The following BCKDHB variants were observed in gnomAD, a reference collection of about 807,000 sequenced individuals.
The protein encoded by BCKDHB is branched chain keto acid dehydrogenase E1 subunit beta.
Under a neutral mutation model 48.5 loss-of-function variants are expected in BCKDHB, and 41 were observed. The observed-to-expected ratio is 0.85, with a 90% CI of 0.66 to 1.10. The LOEUF (loss-of-function observed/expected upper bound fraction) is 1.10. Among genes scored for constraint, BCKDHB ranks in the 50% least tolerant of loss-of-function variants. BCKDHB has a pLI of 0.00. For synonymous variants in BCKDHB, 201 were observed against 174.8 expected, an observed-to-expected ratio of 1.15 and a Z score of -1.18; for missense variants, 496 against 494.2, an observed-to-expected ratio of 1.00 and a Z score of -0.03.
intron 6 of BCKDHB, among the ~76,000 whole-genome samples, chr6:80,185,891 C>T (rs746429269): frequency 2.2e-4 from 34 of 152,072 alleles, no homozygotes; most frequent in Non-Finnish European, 4.1e-4. Context: ...CTGGTTTTTT[C>T]GAATGCTGGT....
chr6:80,205,791 G>GGTGTGTGTGTGTGTGTGTGT (rs3840387), intron 8 of BCKDHB, among the ~76,000 whole-genome samples: 4 of 135,106 alleles, frequency 3.0e-5, no homozygotes, highest in African/African-American at 1.1e-4. Context: ...CTGTGCCATG[G>GGTGTGTGTGTGTGTGTGTGT]GTGTGTGTGT....
intron 8 of BCKDHB, among the ~76,000 whole-genome samples, chr6:80,253,102 G>A (rs1394215259): frequency 6.6e-6 from 1 of 152,156 alleles, no homozygotes; most frequent in Non-Finnish European, 1.5e-5. Context: ...TTAGTTTGAG[G>A]ACAACCTGAA....
At chr6:80,354,801 T>A in the BCKDHB span, among the ~76,000 whole-genome samples, 1 of 152,214 alleles carries the variant, frequency 6.6e-6, no homozygotes, top group African/African-American at 2.4e-5. Flanking sequence ...TTGTCAAAGA[T>A]CAGTTAGCTG....
At chr6:80,462,241 G>A in the BCKDHB span, among the ~76,000 whole-genome samples, 1 of 152,188 alleles carries the variant, frequency 6.6e-6, no homozygotes, top group South Asian at 2.1e-4. Context: ...TATTTTCAAT[G>A]CCTATTTACT....
chr6:80,461,999 G>A, the BCKDHB span, among the ~76,000 whole-genome samples: 368 of 151,998 alleles, frequency 2.4e-3, 3 homozygotes, highest in African/African-American at 8.5e-3. Flanking sequence ...AATGTATAAA[G>A]GTACTGGATT....
At chr6:80,214,778 T>C (rs1348128373) in intron 8 of BCKDHB, among the ~76,000 whole-genome samples, 2 of 152,210 alleles carry the variant, frequency 1.3e-5, no homozygotes, top group Non-Finnish European at 2.9e-5. Context: ...TGGTTTAGCT[T>C]ATATATCAGA....
At chr6:80,354,848 T>C in the BCKDHB span, among the ~76,000 whole-genome samples, 1 of 152,232 alleles carries the variant, frequency 6.6e-6, no homozygotes, top group Admixed American at 6.5e-5. Context: ...ATCTATTCTG[T>C]TCCATTAATC....
intron 9 of BCKDHB, among the ~76,000 whole-genome samples, chr6:80,290,024 G>T (rs1041576516): frequency 1.3e-5 from 2 of 152,080 alleles, no homozygotes; most frequent in African/African-American, 4.8e-5. Context: ...TGAGTGCACA[G>T]CACAGCCCCT....
the BCKDHB span, among the ~76,000 whole-genome samples, chr6:80,410,002 G>C: frequency 6.6e-6 from 1 of 151,976 alleles, no homozygotes; most frequent in Admixed American, 6.6e-5. Flanking sequence ...ATGTTAGCTG[G>C]TTATTTTGCC....
intron 2 of BCKDHB, among the ~76,000 whole-genome samples, chr6:80,128,699 T>C (rs1269819105): frequency 6.6e-6 from 1 of 152,148 alleles, no homozygotes; most frequent in Non-Finnish European, 1.5e-5. Context: ...TGCCTCTAGC[T>C]TTCTGACTTG....
chr6:80,279,661 C>A (rs573840505), intron 9 of BCKDHB, among the ~76,000 whole-genome samples: 1 of 151,804 alleles, frequency 6.6e-6, no homozygotes, highest in Admixed American at 6.6e-5. Flanking sequence ...TTTCTCACAT[C>A]CCTTTTTGAC....
At chr6:80,359,265 G>A in the BCKDHB span, among the ~76,000 whole-genome samples, 7 of 152,086 alleles carry the variant, frequency 4.6e-5, no homozygotes, top group East Asian at 1.9e-4. Flanking sequence ...TGTTCTCCTC[G>A]TAGGAGGGCA....
chr6:80,422,127 C>T, the BCKDHB span, among the ~76,000 whole-genome samples: 3 of 152,194 alleles, frequency 2.0e-5, no homozygotes, highest in East Asian at 5.8e-4. Context: ...CTGCTCTGTT[C>T]AGCCTGTGGA....
At chr6:80,230,098 G>T (rs1032446732) in intron 8 of BCKDHB, among the ~76,000 whole-genome samples, 2 of 133,184 alleles carry the variant, frequency 1.5e-5, no homozygotes, top group South Asian at 2.4e-4. Context: ...GACTGCAGTG[G>T]CGCTATCCCG....
chr6:80,364,400 G>C, the BCKDHB span, among the ~76,000 whole-genome samples: 2 of 152,152 alleles, frequency 1.3e-5, no homozygotes, highest in East Asian at 3.9e-4. Context: ...GCATTTGGCC[G>C]GGAGGGAGAG....
chr6:80,256,095 A>G (rs1026656274), intron 8 of BCKDHB, among the ~76,000 whole-genome samples: 1 of 152,204 alleles, frequency 6.6e-6, no homozygotes, highest in Non-Finnish European at 1.5e-5. Context: ...TGCAAATAAT[A>G]AACTTAAGTC....
chr6:80,132,975 A>C (rs951438523), intron 3 of BCKDHB, among the ~76,000 whole-genome samples: 1 of 152,210 alleles, frequency 6.6e-6, no homozygotes, highest in African/African-American at 2.4e-5. Flanking sequence ...TTAAAGGATA[A>C]TTTGTATTTA....
At chr6:80,256,711 T>C (rs1466956187) in intron 8 of BCKDHB, among the ~76,000 whole-genome samples, 1 of 152,204 alleles carries the variant, frequency 6.6e-6, no homozygotes, top group Non-Finnish European at 1.5e-5. Context: ...CTCTCTGTGC[T>C]GGTGAAATCT....
intron 4 of BCKDHB, 132 bp from the exon 5 acceptor site, chr6:80,168,743 G>A: frequency 1.0e-6 from 1 of 990,268 alleles, no homozygotes; most frequent in Non-Finnish European, 1.5e-6. Flanking sequence ...GGGGAGGGAG[G>A]CAGGGAGGGA....
Sources: allele counts gnomAD v4.1 joint callset (sites outside exome capture counted in the v4.1 genomes callset), GRCh38; gene constraint gnomAD v4.1.1; transcripts MANE v1.5; gene names NCBI Gene and HGNC (gene_info 2026-07-23, HGNC 2026-07-21).